SPTSSA: variants seen among roughly 807,000 people sequenced by gnomAD.
SPTSSA encodes serine palmitoyltransferase small subunit A, also known as small subunit of serine palmitoyltransferase A.
A neutral mutation model predicts 9.1 loss-of-function variants in SPTSSA; 8 were observed. The observed-to-expected ratio is 0.88, with a 90% CI of 0.51 to 1.58. The LOEUF is 1.58. Ranked by LOEUF, SPTSSA falls within the 40% of genes most tolerant of loss-of-function variation. SPTSSA has a pLI of 0.00. For synonymous variants in SPTSSA, 42 were observed against 37.7 expected (o/e 1.11, Z -0.41); for missense variants, 100 against 93.8 (o/e 1.07, Z -0.27).
At chr14:34,454,789 C>CTTCCT (rs1277008987) in intron 1 of SPTSSA, among the ~76,000 whole-genome samples, 2 of 152,158 alleles carry the variant, frequency 1.3e-5, no homozygotes, top group African/African-American at 4.8e-5. Flanking sequence ...CCTAATCTTA[C>CTTCCT]AATTGTTCAT....
At position 34,462,158 on chromosome 14, in the gene SPTSSA, T is replaced by C. The variant is rs752704675; in HGVS notation, c.50A>G (p.Tyr17Cys). The C allele has an allele frequency of 1.3e-6, 2 of 1,531,262 alleles. No homozygotes were observed. Among genetic ancestry groups the C allele is most frequent in the South Asian group, 1.2e-5 (1 of 86,522 alleles). 94.9% of individuals were successfully genotyped at this position (1,531,262 alleles called of 1,614,324 possible). The change falls in exon 1 of 2, where the codon TAC becomes TGC. Residue 17 changes from tyrosine to cysteine, a missense_variant. Transcript: ENST00000298130. The stretch of plus-strand genomic sequence containing the variant: ...CGCCGTGACCAGCAGGTACTGGTAG[T>C]AGAACCAGGACATCTGCTTCCAGGC... ...ARAWKQMSWFYYQYLLVTALY... is the reference protein window; with the variant it reads ...ARAWKQMSWFCYQYLLVTALY...
chr14:34,451,973 G>A (rs1043520003), intron 1 of SPTSSA, among the ~76,000 whole-genome samples: 1 of 152,002 alleles, frequency 6.6e-6, no homozygotes, highest in Non-Finnish European at 1.5e-5. Context: ...AAAAACTGCA[G>A]ATCATCACCA....
At chr14:34,452,116 A>G (rs138231624) in intron 1 of SPTSSA, among the ~76,000 whole-genome samples, 1,857 of 151,932 alleles carry the variant, frequency 0.012, 39 homozygotes, top group African/African-American at 0.043. Flanking sequence ...AGACGCAGTG[A>G]CGCACACCTG....
intron 1 of SPTSSA, among the ~76,000 whole-genome samples, chr14:34,453,911 G>C (rs1029567873): frequency 3.3e-5 from 5 of 151,218 alleles, no homozygotes; most frequent in African/African-American, 1.2e-4. Flanking sequence ...CAGGTCCGAT[G>C]GTTCACACCT....
intron 1 of SPTSSA, among the ~76,000 whole-genome samples, chr14:34,438,240 G>A (rs1406910608): frequency 6.6e-6 from 1 of 151,792 alleles, no homozygotes; most frequent in Admixed American, 6.6e-5. Flanking sequence ...ACTACAGGTT[G>A]AGTATCCCTC....
chr14:34,457,133 C>A (rs1486614773), intron 1 of SPTSSA, among the ~76,000 whole-genome samples: 1 of 151,810 alleles, frequency 6.6e-6, no homozygotes, highest in Non-Finnish European at 1.5e-5. Context: ...CGCCAGCCAC[C>A]ATGCCCCACT....
At chr14:34,458,663 A>ATTTTTTT (rs35426259) in intron 1 of SPTSSA, among the ~76,000 whole-genome samples, 4 of 89,638 alleles carry the variant, frequency 4.5e-5, no homozygotes, top group African/African-American at 2.0e-4. Context: ...CACTCAGCTA[A>ATTTTTTT]TTTTTTTTTT....
At chr14:34,453,557 G>C (rs1883563358) in intron 1 of SPTSSA, among the ~76,000 whole-genome samples, 1 of 152,204 alleles carries the variant, frequency 6.6e-6, no homozygotes, top group Non-Finnish European at 1.5e-5. Context: ...TGAGCTGCCT[G>C]CCTGTCTGGG....
intron 1 of SPTSSA, among the ~76,000 whole-genome samples, chr14:34,457,969 CGG>C (rs1402970737): frequency 6.9e-5 from 7 of 100,968 alleles, no homozygotes; most frequent in African/African-American, 2.3e-4. Context: ...AAGACTGTCT[CGG>C]AAAAAAAAAA....
chr14:34,452,245 C>CAAAAAAAAAAAAAAAAAAAAAAAAAAA (rs532756986), intron 1 of SPTSSA, among the ~76,000 whole-genome samples: 1 of 97,052 alleles, frequency 1.0e-5, no homozygotes, highest in Non-Finnish European at 2.3e-5. Context: ...GACTCAATCT[C>CAAAAAAAAAAAAAAAAAAAAAAAAAAA]AAAAAAAAAA....
Position 34,457,196 on chromosome 14 carries a change from T to C in SPTSSA, c.112+4900A>G, listed in dbSNP as rs144994815. Among the ~76,000 whole-genome samples the C allele has an allele frequency of 3.3e-3, 503 of 152,178 alleles. 1 individual carries two copies. Among genetic ancestry groups the C allele is most frequent in the African/African-American group, 0.012 (483 of 41,564 alleles). On this transcript the variant is annotated intron_variant, in intron 1 of 1. Transcript: ENST00000298130. ...ATTCACCATGCTGGCCGAGCTGGCCTTGAACTCTTGACCTCAGGTGATCCA... is the reference window on the plus strand; with the variant it reads ...ATTCACCATGCTGGCCGAGCTGGCCCTGAACTCTTGACCTCAGGTGATCCA...
Position 34,435,072 on chromosome 14 carries a change from T to A in SPTSSA, c.*129A>T, listed in dbSNP as rs2138814378. ...CAGGATGATTTTCCTGTTCTACTCA[T>A]GAATTTTAGTCTTTATAAGGTTGGT... On this transcript the variant is annotated 3_prime_UTR_variant, in exon 2 of 2. Coordinates refer to ENST00000298130, the MANE Select transcript of SPTSSA (RefSeq NM_138288.4). 1.8e-6 allele frequency: 1 copy of A among 567,188 alleles called. No individual in the cohort carries two copies. Among genetic ancestry groups the A allele is most frequent in the Non-Finnish European group, 3.1e-6 (1 of 323,834 alleles). 35.1% of individuals were successfully genotyped at this position (567,188 alleles called of 1,614,324 possible).
intron 1 of SPTSSA, among the ~76,000 whole-genome samples, chr14:34,437,926 A>G (rs575397880): frequency 6.6e-6 from 1 of 152,204 alleles, no homozygotes; most frequent in Admixed American, 6.5e-5. Flanking sequence ...ACAGCCTTCC[A>G]AGTAGCTGGG....
intron 1 of SPTSSA, among the ~76,000 whole-genome samples, chr14:34,452,381 G>A (rs1260045456): frequency 6.6e-6 from 1 of 151,868 alleles, no homozygotes; most frequent in Non-Finnish European, 1.5e-5. Context: ...ACAGTCCTCT[G>A]TATGTTAACC....
intron 1 of SPTSSA, among the ~76,000 whole-genome samples, chr14:34,444,854 A>C (rs1316321623): frequency 6.6e-6 from 1 of 151,266 alleles, no homozygotes; most frequent in Non-Finnish European, 1.5e-5. Context: ...CAACACTTTG[A>C]GAGAACAAGG....
In SPTSSA at chr14:34,457,066, C is replaced by G. The variant is rs576711437; in HGVS notation, c.112+5030G>C. 3.6e-4 allele frequency among the ~76,000 whole-genome samples: 54 copies of G among 151,444 alleles called. 1 individual carries two copies. Among genetic ancestry groups the G allele is most frequent in the African/African-American group, 1.3e-3 (54 of 41,344 alleles). On this transcript the variant is annotated intron_variant, in intron 1 of 1. Transcript: ENST00000298130. The stretch of plus-strand genomic sequence containing the variant: ...CAATCTTGGCTCACTGCAACCTCCA[C>G]TTCTTAGGTTCAAGCAATTCTCCTG...
chr14:34,458,365 G>A (rs1013254624), intron 1 of SPTSSA, among the ~76,000 whole-genome samples: 1 of 151,952 alleles, frequency 6.6e-6, no homozygotes, highest in African/African-American at 2.4e-5. Context: ...TGCATTTTTA[G>A]TACAGACTGA....
chr14:34,448,303 G>A (rs1239421641), intron 1 of SPTSSA, among the ~76,000 whole-genome samples: 1 of 151,984 alleles, frequency 6.6e-6, no homozygotes, highest in Non-Finnish European at 1.5e-5. Context: ...CAGGGCGAGA[G>A]TTCCATGGTC....
In SPTSSA at chr14:34,456,804, C is replaced by T. The variant is rs573619414; in HGVS notation, c.112+5292G>A. 9.4e-4 allele frequency among the ~76,000 whole-genome samples: 141 copies of T among 150,512 alleles called. 3 individuals are homozygous for T. The highest frequency in any genetic ancestry group is 1.0e-3 in the Non-Finnish European group (68 of 67,716). On this transcript the variant is annotated intron_variant, in intron 1 of 1. Coordinates refer to ENST00000298130, the MANE Select transcript of SPTSSA (RefSeq NM_138288.4). ...GTCCCAGCTACTCGGGAGGGCAAGG[C>T]GGAACAATTGCTTGAATCCAGGAGG...
Sources: allele counts gnomAD v4.1 joint callset (sites outside exome capture counted in the v4.1 genomes callset), GRCh38; gene constraint gnomAD v4.1.1; transcripts MANE v1.5; gene names NCBI Gene and HGNC (gene_info 2026-07-23, HGNC 2026-07-21).